Variants in PHACTR2 observed in about 807,000 individuals in gnomAD.
The protein encoded by PHACTR2 is chromosome 6 open reading frame 56.
A neutral mutation model predicts 76.0 loss-of-function variants in PHACTR2; 30 were observed. The observed-to-expected ratio is 0.39, with a 90% CI of 0.30 to 0.54. PHACTR2 has a LOEUF of 0.54. PHACTR2 is among the 20% of genes least tolerant of loss of function. The pLI is 0.61. For missense variants in PHACTR2, 696 were observed against 781.1 expected, an observed-to-expected ratio of 0.89 and a Z score of 1.30; for synonymous variants, 292 against 292.5, an observed-to-expected ratio of 1.00 and a Z score of 0.02.
intron 11 of PHACTR2, among the ~76,000 whole-genome samples, chr6:143,802,701 C>A (rs1775986074): frequency 6.7e-6 from 1 of 149,082 alleles, no homozygotes; most frequent in African/African-American, 2.5e-5. Flanking sequence ...AATTATTAGG[C>A]CTAAAACCTG....
intron 1 of PHACTR2, among the ~76,000 whole-genome samples, chr6:143,563,571 A>G (rs1373978030): frequency 6.6e-6 from 1 of 151,286 alleles, no homozygotes; most frequent in African/African-American, 2.4e-5. Flanking sequence ...AAAAAAAAAA[A>G]GAAGAAACCC....
chr6:143,605,479 C>T (rs1323621155), upstream of PHACTR2, among the ~76,000 whole-genome samples: 4 of 151,466 alleles, frequency 2.6e-5, no homozygotes, highest in Non-Finnish European at 4.4e-5. The surrounding 1 kb of genome is among the most constrained non-coding windows in gnomAD (Gnocchi z 5.0). Context: ...CTCCCTGGAG[C>T]TTGAGGAAAA....
intron 1 of PHACTR2, among the ~76,000 whole-genome samples, chr6:143,575,827 G>A (rs9496681): frequency 0.61 from 93,341 of 151,982 alleles, 28,992 homozygotes; most frequent in Middle Eastern, 0.72. Context: ...TGTTTGCAGA[G>A]TACAATTGAT....
intron 11 of PHACTR2, among the ~76,000 whole-genome samples, chr6:143,790,735 T>A (rs1208516026): frequency 6.6e-6 from 1 of 151,336 alleles, no homozygotes; most frequent in Non-Finnish European, 1.5e-5. Context: ...GTGCTGTGGC[T>A]CGATCTCAGC....
In PHACTR2 at chr6:143,809,289, T is replaced by C. The variant is rs1476757705; in HGVS notation, c.1922+2156T>C. 6.6e-6 allele frequency among the ~76,000 whole-genome samples: 1 copy of C among 152,258 alleles called. No individual in the cohort carries two copies. The highest frequency in any genetic ancestry group is 2.4e-5 in the African/African-American group (1 of 41,474). On this transcript the variant is annotated intron_variant, in intron 12 of 12. Coordinates refer to ENST00000440869, the MANE Select transcript of PHACTR2 (RefSeq NM_001100164.2). The surrounding 1 kb of genome is among the most constrained non-coding windows in gnomAD (Gnocchi z 4.2). ...TCTTTCTGTTCTGTTGTACTCTATA[T>C]GAAGAAGCACAATAAAATTGGAGTA...
At chr6:143,559,583 C>T (rs1775231421) in intron 1 of PHACTR2, among the ~76,000 whole-genome samples, 1 of 150,746 alleles carries the variant, frequency 6.6e-6, no homozygotes, top group Non-Finnish European at 1.5e-5. Flanking sequence ...AAGATAACCC[C>T]TTCTCCTCTT....
At chr6:143,745,350 C>A (rs1779035601) in intron 2 of PHACTR2, among the ~76,000 whole-genome samples, 1 of 152,142 alleles carries the variant, frequency 6.6e-6, no homozygotes. Flanking sequence ...ACAGGGAGTG[C>A]GATTTGACTC....
At chr6:143,682,686 G>A (rs1777419603) in intron 1 of PHACTR2, among the ~76,000 whole-genome samples, 1 of 151,880 alleles carries the variant, frequency 6.6e-6, no homozygotes, top group Admixed American at 6.6e-5. Context: ...TAATAGTTCT[G>A]GCTAGAACCT....
chr6:143,827,182 ATATATATATATATATATG>A lies in PHACTR2; in HGVS notation c.*3499_*3516del, dbSNP rs1776560054. The stretch of plus-strand genomic sequence containing the variant: ...TATATATATATATATATATATATAT[ATATATATATATATATATG>A]TATATTATATATACAGTAGCTTACA... On this transcript the variant is annotated 3_prime_UTR_variant, in exon 13 of 13. Coordinates refer to ENST00000440869, the MANE Select transcript of PHACTR2 (RefSeq NM_001100164.2). 1 of 130,118 alleles carries A rather than the reference ATATATATATATATATATG, an allele frequency of 7.7e-6. No homozygotes were observed. The highest frequency in any genetic ancestry group is 2.3e-4 in the South Asian group (1 of 4,292). 8.1% of individuals were successfully genotyped at this position (130,118 alleles called of 1,614,324 possible).
intron 1 of PHACTR2, among the ~76,000 whole-genome samples, chr6:143,573,805 C>T (rs1476205712): frequency 1.3e-5 from 2 of 152,200 alleles, no homozygotes; most frequent in Non-Finnish European, 2.9e-5. Flanking sequence ...CTTAGTCCTT[C>T]CATTTAGCAG....
intron 1 of PHACTR2, among the ~76,000 whole-genome samples, chr6:143,702,950 A>G (rs1777950186): frequency 6.6e-6 from 1 of 151,720 alleles, no homozygotes. Context: ...TGAATCTCAC[A>G]GACATTCAGT....
Position 143,653,876 on chromosome 6 carries a change from C to T in PHACTR2, c.13+45554C>T, listed in dbSNP as rs1040939315. ...AAAGAAACAATAATAATTTGGACAT[C>T]ATCAAACTAAAAATGTTGTGGCTCA... On this transcript the variant is annotated intron_variant, in intron 1 of 11. Coordinates refer to the PHACTR2 transcript ENST00000305766. This position sits in a 1 kb window ranked among gnomAD's most constrained non-coding sequence, Gnocchi z 4.9. Among the ~76,000 whole-genome samples the T allele has an allele frequency of 2.6e-5, 4 of 152,062 alleles. No individual in the cohort carries two copies. The highest frequency in any genetic ancestry group is 9.7e-5 in the African/African-American group (4 of 41,382).
intron 1 of PHACTR2, 137 bp from the exon 2 acceptor site, chr6:143,711,879 T>C: frequency 2.5e-6 from 2 of 812,264 alleles, no homozygotes; most frequent in Non-Finnish European, 4.4e-6. Flanking sequence ...AGCTGTGAAA[T>C]GGGACAAATA....
rs1776606066 is a variant in PHACTR2 at position 143,829,140 on chromosome 6, C to T, written c.*5451C>T. The T allele has an allele frequency of 7.0e-6, 1 of 142,136 alleles. No individual in the cohort carries two copies. The highest frequency in any genetic ancestry group is 7.2e-5 in the Admixed American group (1 of 13,918). The allele number at this position is 142,136 out of a possible 1,614,324, so 8.8% of individuals were successfully genotyped here. The stretch of plus-strand genomic sequence containing the variant: ...TTGGCCTAGTCCCTATATATATATA[C>T]TTAAAGTCCCTATATATACTTAAAG... On this transcript the variant is annotated 3_prime_UTR_variant, in exon 13 of 13. Coordinates refer to ENST00000440869, the MANE Select transcript of PHACTR2 (RefSeq NM_001100164.2).
chr6:143,650,038 C>T (rs968418640), intron 1 of PHACTR2, among the ~76,000 whole-genome samples: 1 of 152,138 alleles, frequency 6.6e-6, no homozygotes, highest in Non-Finnish European at 1.5e-5. Context: ...CATTCCTTTA[C>T]ATCAACAACA....
intron 4 of PHACTR2, among the ~76,000 whole-genome samples, chr6:143,759,002 G>A (rs953105245): frequency 4.6e-5 from 7 of 152,238 alleles, no homozygotes; most frequent in Middle Eastern, 6.8e-3. Context: ...GTTAAGGCTC[G>A]ATCTTGTCTT....
At chr6:143,746,835 T>TAAA (rs5880572) in intron 2 of PHACTR2, among the ~76,000 whole-genome samples, 10 of 143,734 alleles carry the variant, frequency 7.0e-5, no homozygotes, top group Admixed American at 2.8e-4. Context: ...ACACCCAGTT[T>TAAA]AAAAAAAAAA....
rs76200315 is a variant in PHACTR2, at chr6:143,782,902, A to G, written c.1646-317A>G. 1.3e-5 allele frequency among the ~76,000 whole-genome samples: 2 copies of G among 152,078 alleles called. No homozygotes were observed. The highest frequency in any genetic ancestry group is 2.9e-5 in the Non-Finnish European group (2 of 68,006). On this transcript the variant is annotated intron_variant, in intron 9 of 12. Coordinates refer to ENST00000440869, the MANE Select transcript of PHACTR2 (RefSeq NM_001100164.2). This position sits in a 1 kb window ranked among gnomAD's most constrained non-coding sequence, Gnocchi z 4.6. ...AAATGATCAGCAATAGAGGGCTTTC[A>G]TTAGAATATGGGCACTCCTGTGGTT...
At chr6:143,707,653 G>A (rs1362137715) in intron 1 of PHACTR2, among the ~76,000 whole-genome samples, 1 of 152,148 alleles carries the variant, frequency 6.6e-6, no homozygotes, top group African/African-American at 2.4e-5. Context: ...ATTTTTCTAA[G>A]AATCTCTATA....
Sources: allele counts gnomAD v4.1 joint callset (sites outside exome capture counted in the v4.1 genomes callset), GRCh38; gene constraint gnomAD v4.1.1; non-coding constraint Gnocchi (gnomAD v3.1); transcripts MANE v1.5; gene names NCBI Gene and HGNC (gene_info 2026-07-23, HGNC 2026-07-21).